EYS: variants seen among roughly 807,000 people sequenced by gnomAD.
EYS encodes the protein protein eyes shut homolog.
Under a neutral mutation model 282.1 loss-of-function variants are expected in EYS, and 250 were observed. That is an observed-to-expected ratio of 0.89 (90% CI 0.80 to 0.98). The LOEUF (loss-of-function observed/expected upper bound fraction) is 0.98. Among genes scored for constraint, EYS ranks in the 50% least tolerant of loss-of-function variants. The probability of loss-of-function intolerance (pLI) is 0.00; values close to 1 mark genes in which losing one functional copy is unlikely to be tolerated. For missense variants in EYS, 4,016 were observed against 3,709.0 expected (o/e 1.08, Z -2.15); for synonymous variants, 1,355 against 1,282.9 (o/e 1.06, Z -1.20).
At chr6:63,898,358 G>A (rs898155800) in intron 35 of EYS, among the ~76,000 whole-genome samples, 3 of 152,076 alleles carry the variant, frequency 2.0e-5, no homozygotes, top group African/African-American at 7.2e-5. Flanking sequence ...GGGCGTGGTG[G>A]CGCATGTCTG....
intron 12 of EYS, among the ~76,000 whole-genome samples, chr6:65,085,864 A>G (rs1318196920): frequency 1.3e-5 from 2 of 151,940 alleles, no homozygotes; most frequent in East Asian, 3.9e-4. Context: ...CCAACTCTAT[A>G]CTTGCATAGT....
intron 22 of EYS, among the ~76,000 whole-genome samples, chr6:64,796,457 A>G (rs1284221900): frequency 6.6e-6 from 1 of 152,172 alleles, no homozygotes; most frequent in Non-Finnish European, 1.5e-5. Context: ...GGAGTAGGAG[A>G]CAGGAGTTAG....
At chr6:65,285,716 A>G (rs112432547) in intron 12 of EYS, among the ~76,000 whole-genome samples, 1,692 of 152,148 alleles carry the variant, frequency 0.011, 31 homozygotes, top group African/African-American at 0.038. Flanking sequence ...TAAATGATAG[A>G]AAATGTCCTA....
At position 65,564,728 on chromosome 6, in the gene EYS, AC is replaced by A. The variant is rs566515948; in HGVS notation, c.-332-68736del. On this transcript the variant is annotated intron_variant, in intron 2 of 42. Transcript: ENST00000503581. Reference sequence around the variant, plus strand: ...CATAGGGATGGGCAAAGACTTCACGACTTTTAAAACACCAAAAGCAATGGCA... The same window carrying A: ...CATAGGGATGGGCAAAGACTTCACGATTTTAAAACACCAAAAGCAATGGCA... 1.2e-3 allele frequency among the ~76,000 whole-genome samples: 184 copies of A among 152,132 alleles called. 2 individuals carry two copies. Among genetic ancestry groups the A allele is most frequent in the African/African-American group, 3.7e-3 (152 of 41,520 alleles).
intron 26 of EYS, among the ~76,000 whole-genome samples, chr6:64,510,893 A>C (rs1028435973): frequency 2.6e-5 from 4 of 152,076 alleles, no homozygotes; most frequent in African/African-American, 7.2e-5. Flanking sequence ...CGGAGTTGAT[A>C]GTCTTTGTAT....
chr6:64,483,694 G>A (rs141528449), intron 26 of EYS, among the ~76,000 whole-genome samples: 176 of 151,658 alleles, frequency 1.2e-3, no homozygotes, highest in African/African-American at 4.1e-3. Context: ...TCCCTGAATA[G>A]ATATTTAGCA....
chr6:64,336,303 A>G (rs1278628370), intron 29 of EYS, among the ~76,000 whole-genome samples: 1 of 152,100 alleles, frequency 6.6e-6, no homozygotes, highest in African/African-American at 2.4e-5. Flanking sequence ...TCATGCAAAT[A>G]GACGCCAAAA....
At chr6:64,381,103 T>C (rs796182344) in intron 29 of EYS, among the ~76,000 whole-genome samples, 7 of 151,970 alleles carry the variant, frequency 4.6e-5, no homozygotes, top group African/African-American at 1.7e-4. Context: ...ATAATGGATA[T>C]GAGGATATAA....
intron 35 of EYS, among the ~76,000 whole-genome samples, chr6:63,875,969 C>T (rs893093632): frequency 6.6e-6 from 1 of 152,164 alleles, no homozygotes; most frequent in Non-Finnish European, 1.5e-5. Flanking sequence ...GTCTCTATCT[C>T]CTTCAGTTCT....
intron 23 of EYS, among the ~76,000 whole-genome samples, chr6:64,622,035 T>C (rs1369363888): frequency 2.0e-5 from 3 of 152,298 alleles, no homozygotes; most frequent in Middle Eastern, 3.4e-3. Context: ...TGATACTTCA[T>C]TGGAAATGAG....
chr6:65,671,464 C>A (rs1768388405), intron 1 of EYS, among the ~76,000 whole-genome samples: 1 of 151,882 alleles, frequency 6.6e-6, no homozygotes, highest in Non-Finnish European at 1.5e-5. Flanking sequence ...ACAAAAAAAA[C>A]TAATATAAAA....
chr6:65,125,408 C>A (rs761678386), intron 12 of EYS, among the ~76,000 whole-genome samples: 2 of 152,080 alleles, frequency 1.3e-5, no homozygotes, highest in Non-Finnish European at 2.9e-5. Flanking sequence ...TGCCCATTTG[C>A]AGTTGTTTAG....
At chr6:64,560,443 T>G (rs1271922501) in intron 26 of EYS, among the ~76,000 whole-genome samples, 1 of 152,058 alleles carries the variant, frequency 6.6e-6, no homozygotes, top group Non-Finnish European at 1.5e-5. Context: ...AACACTGGCT[T>G]TAAAGAAAAG....
chr6:64,860,843 G>A (rs1766213641), intron 19 of EYS, among the ~76,000 whole-genome samples: 1 of 152,206 alleles, frequency 6.6e-6, no homozygotes, highest in African/African-American at 2.4e-5. Flanking sequence ...GAACAGCTCA[G>A]AGGAGACCAA....
intron 30 of EYS, among the ~76,000 whole-genome samples, chr6:64,280,789 A>G (rs1294859895): frequency 6.6e-6 from 1 of 152,160 alleles, no homozygotes; most frequent in African/African-American, 2.4e-5. Flanking sequence ...TGTACTGTGC[A>G]TCAGGTTTGG....
chr6:64,961,470 C>T (rs1222376034), intron 14 of EYS, among the ~76,000 whole-genome samples: 3 of 150,806 alleles, frequency 2.0e-5, no homozygotes, highest in Admixed American at 6.6e-5. Context: ...TATATATATA[C>T]ACACACAATT....
chr6:65,283,212 AG>A (rs1768272169), intron 12 of EYS, among the ~76,000 whole-genome samples: 1 of 151,964 alleles, frequency 6.6e-6, no homozygotes, highest in East Asian at 1.9e-4. Context: ...CTCCATAGCT[AG>A]TGTTCTACTT....
At chr6:64,852,079 G>T (rs1765903568) in intron 19 of EYS, among the ~76,000 whole-genome samples, 1 of 152,130 alleles carries the variant, frequency 6.6e-6, no homozygotes, top group African/African-American at 2.4e-5. Flanking sequence ...GTAGTGGGTT[G>T]AATAGTGTCC....
intron 29 of EYS, among the ~76,000 whole-genome samples, chr6:64,363,767 T>A (rs562459507): frequency 6.6e-6 from 1 of 152,058 alleles, no homozygotes; most frequent in Admixed American, 6.6e-5. Flanking sequence ...TATTAAACAA[T>A]CTTTCTCATT....
Sources: gnomAD v4.1 joint callset for allele counts (sites outside exome capture counted in the v4.1 genomes callset) on GRCh38, gnomAD v4.1.1 for gene constraint, MANE v1.5 for transcripts, NCBI Gene and HGNC (gene_info 2026-07-23, HGNC 2026-07-21) for gene names.